Variants in NARS2 observed in about 807,000 individuals in gnomAD.
NARS2 encodes the protein asparaginyl-tRNA synthetase.
In NARS2, 60 loss-of-function variants were observed where a neutral mutation model predicts 62.9. The observed-to-expected ratio is 0.95, with a 90% CI of 0.77 to 1.18. NARS2 has a LOEUF of 1.18. NARS2 is among the 50% of genes most tolerant of loss of function. NARS2 has a pLI of 0.00. For synonymous variants in NARS2, 196 were observed against 200.0 expected (o/e 0.98, Z 0.17); for missense variants, 619 against 576.4 (o/e 1.07, Z -0.76).
chr11:78,527,913 A>T (rs1469757429), intron 6 of NARS2, among the ~76,000 whole-genome samples: 1 of 152,186 alleles, frequency 6.6e-6, no homozygotes, highest in African/African-American at 2.4e-5. Context: ...GTTTGAGACC[A>T]GCCTAGGACA....
At chr11:78,486,540 TAACTGACATGGAGACC>T (rs1178289113) in intron 7 of NARS2, among the ~76,000 whole-genome samples, 1 of 152,188 alleles carries the variant, frequency 6.6e-6, no homozygotes, top group Non-Finnish European at 1.5e-5. Context: ...TTTGAAAACT[TAACTGACATGGAGACC>T]AATGCCAATA....
rs756312492 is a variant in NARS2, at chr11:78,441,071, A to G, written c.1289+20T>C. On this transcript the variant is annotated intron_variant, in intron 13 of 13. Transcript: ENST00000281038. ...CAGACAAGCAGCTAGAGTAAGAATT[A>G]TTAGGGGCCACATTCTTACCATTGG... 45 of 1,609,898 alleles carry G rather than the reference A, an allele frequency of 2.8e-5. No individual in the cohort carries two copies. The highest frequency in any genetic ancestry group is 3.8e-5 in the Non-Finnish European group (45 of 1,177,262).
intron 4 of NARS2, among the ~76,000 whole-genome samples, chr11:78,561,279 CA>C (rs1426519667): frequency 6.6e-6 from 1 of 152,026 alleles, no homozygotes; most frequent in African/African-American, 2.4e-5. Flanking sequence ...GCCGTGCAAA[CA>C]AAGTCCAAAA....
At chr11:78,481,081 A>G (rs1591182597) in intron 7 of NARS2, among the ~76,000 whole-genome samples, 1 of 152,182 alleles carries the variant, frequency 6.6e-6, no homozygotes, top group African/African-American at 2.4e-5. Flanking sequence ...TCAGTCTCCC[A>G]AAGTGCCAGG....
intron 6 of NARS2, among the ~76,000 whole-genome samples, chr11:78,527,074 T>G (rs556859316): frequency 6.6e-6 from 1 of 152,202 alleles, no homozygotes; most frequent in East Asian, 1.9e-4. Flanking sequence ...TTTACAGATC[T>G]TTCCCAGCAG....
chr11:78,545,397 T>A (rs987099040), intron 5 of NARS2, among the ~76,000 whole-genome samples: 4 of 152,206 alleles, frequency 2.6e-5, no homozygotes, highest in Non-Finnish European at 4.4e-5. Context: ...CCTGCCTTCA[T>A]GATTGTTTCT....
At chr11:78,443,328 A>AAAAAAAAAAAAAAAATT (rs1857637878) in intron 12 of NARS2, among the ~76,000 whole-genome samples, 1 of 140,620 alleles carries the variant, frequency 7.1e-6, no homozygotes, top group Admixed American at 6.9e-5. Flanking sequence ...CTCCGTCTCA[A>AAAAAAAAAAAAAAAATT]AAAAAAAAAA....
chr11:78,463,659 C>A (rs1858482196), intron 11 of NARS2, among the ~76,000 whole-genome samples: 2 of 119,972 alleles, frequency 1.7e-5, no homozygotes, highest in South Asian at 5.6e-4. Context: ...GCACCCCAGC[C>A]TGGGTGACAA....
chr11:78,570,094 G>T (rs1856869152), intron 2 of NARS2, among the ~76,000 whole-genome samples: 1 of 152,038 alleles, frequency 6.6e-6, no homozygotes. Flanking sequence ...GGAGACTGAG[G>T]CACGAGAATT....
At chr11:78,509,366 G>C (rs1346774857) in intron 6 of NARS2, among the ~76,000 whole-genome samples, 8 of 152,056 alleles carry the variant, frequency 5.3e-5, no homozygotes, top group Non-Finnish European at 8.8e-5. Flanking sequence ...AAGTACACTA[G>C]GCATTAGCTT....
chr11:78,487,821 A>T (rs147121013), intron 7 of NARS2, among the ~76,000 whole-genome samples: 2,484 of 152,350 alleles, frequency 0.016, 47 homozygotes, highest in Middle Eastern at 0.034. Context: ...AGAACTGTCA[A>T]GCCAAAATTC....
Position 78,528,828 on chromosome 11 carries a change from G to T in NARS2, c.689+14C>A. 1 of 1,571,536 alleles carries T rather than the reference G, an allele frequency of 6.4e-7. No homozygotes were observed. On this transcript the variant is annotated intron_variant, in intron 6 of 13. Transcript: ENST00000281038. ...ATAATATATCAAAGCAAAAGAGAAAGGAAAATTTCATACCCTGACATCACT... is the reference window on the plus strand; with the variant it reads ...ATAATATATCAAAGCAAAAGAGAAATGAAAATTTCATACCCTGACATCACT...
chr11:78,459,709 CTCT>C (rs914876327), intron 11 of NARS2, among the ~76,000 whole-genome samples: 7 of 152,218 alleles, frequency 4.6e-5, no homozygotes, highest in Admixed American at 1.3e-4. Flanking sequence ...TCCATTAAAC[CTCT>C]TCTTCTTTCC....
At chr11:78,471,226 G>C (rs1359750475) in intron 9 of NARS2, among the ~76,000 whole-genome samples, 3 of 152,108 alleles carry the variant, frequency 2.0e-5, no homozygotes, top group African/African-American at 7.2e-5. Flanking sequence ...AGGTTAGAGA[G>C]GATCAATAAC....
At chr11:78,555,787 G>C (rs986339475) in intron 5 of NARS2, among the ~76,000 whole-genome samples, 4 of 152,082 alleles carry the variant, frequency 2.6e-5, no homozygotes, top group African/African-American at 9.7e-5. Flanking sequence ...GTTAATCTGA[G>C]AACTTTCTAA....
chr11:78,438,131 T>C (rs1245369547), intron 13 of NARS2, among the ~76,000 whole-genome samples: 4 of 152,134 alleles, frequency 2.6e-5, no homozygotes, highest in Non-Finnish European at 5.9e-5. Flanking sequence ...ATCAACCTAT[T>C]TCCCCACCAT....
intron 11 of NARS2, among the ~76,000 whole-genome samples, chr11:78,446,691 T>A (rs1857772736): frequency 6.6e-6 from 1 of 151,876 alleles, no homozygotes. Flanking sequence ...TAAAATTAAC[T>A]CAAAATGGAT....
At chr11:78,488,220 G>C (rs1034576125) in intron 7 of NARS2, among the ~76,000 whole-genome samples, 1 of 139,898 alleles carries the variant, frequency 7.1e-6, no homozygotes, top group East Asian at 2.1e-4. Context: ...CAGTGAGTGT[G>C]TTAGCCTACC....
In NARS2 at chr11:78,566,132, C is replaced by A. The variant is rs762060110; in HGVS notation, c.513G>T (p.Lys171Asn). 2 of 1,602,888 alleles carry A rather than the reference C, an allele frequency of 1.2e-6. No individual in the cohort carries two copies. Among genetic ancestry groups the A allele is most frequent in the Non-Finnish European group, 8.5e-7 (1 of 1,175,058 alleles). Reference sequence around the variant, plus strand: ...CAAGAGGGAACTTTTAGGATCTTACCTTAAAGAAAGAATGAATAGCAGCTG... The same window carrying A: ...CAAGAGGGAACTTTTAGGATCTTACATTAAAGAAAGAATGAATAGCAGCTG... Reference protein sequence around the residue: ...EATAAIHSFFKDSGFVHIHTP... With the variant: ...EATAAIHSFFNDSGFVHIHTP... Residue 171 changes from lysine (K) to asparagine (N), a missense_variant and splice_region_variant, in exon 4 of 14, where the codon AAG (lysine) becomes AAT (asparagine). Lys to Asn is a moderately conservative substitution (Grantham distance 94). Transcript: ENST00000281038.
Sources: allele counts gnomAD v4.1 joint callset (sites outside exome capture counted in the v4.1 genomes callset), GRCh38; gene constraint gnomAD v4.1.1; transcripts MANE v1.5; gene names NCBI Gene and HGNC (gene_info 2026-07-23, HGNC 2026-07-21).